The following MCPH1 variants were observed in gnomAD, a reference collection of about 807,000 sequenced individuals.
MCPH1 encodes the protein microcephalin.
A neutral mutation model predicts 84.5 loss-of-function variants in MCPH1; 104 were observed. The observed-to-expected ratio is 1.23, with a 90% confidence interval of 1.05 to 1.45. MCPH1 has a LOEUF of 1.45. Ranked by LOEUF, MCPH1 falls within the 40% of genes most tolerant of loss-of-function variation. The pLI, the probability that MCPH1 is intolerant of heterozygous loss-of-function variation, is 0.00. For synonymous variants in MCPH1, 514 were observed against 366.8 expected, an observed-to-expected ratio of 1.40 and a Z score of -4.58; for missense variants, 1,498 against 1,005.7, an observed-to-expected ratio of 1.49 and a Z score of -6.62.
chr8:6,509,798 C>G (rs905630380), intron 12 of MCPH1, among the ~76,000 whole-genome samples: 1 of 152,174 alleles, frequency 6.6e-6, no homozygotes, highest in Non-Finnish European at 1.5e-5. Context: ...CTTAAATGTG[C>G]TCGGAACACT....
intron 12 of MCPH1, among the ~76,000 whole-genome samples, chr8:6,605,493 A>T (rs1418676055): frequency 3.3e-5 from 5 of 152,192 alleles, no homozygotes; most frequent in African/African-American, 1.2e-4. Flanking sequence ...AACGAACAAT[A>T]TGTCCTTAAA....
chr8:6,515,222 C>G (rs948274929), intron 12 of MCPH1, among the ~76,000 whole-genome samples: 1 of 151,996 alleles, frequency 6.6e-6, no homozygotes, highest in Non-Finnish European at 1.5e-5. Flanking sequence ...CCCTGCCCCT[C>G]CACAGAGAGC....
intron 8 of MCPH1, among the ~76,000 whole-genome samples, chr8:6,453,354 T>A (rs906542226): frequency 6.6e-6 from 1 of 152,074 alleles, no homozygotes; most frequent in African/African-American, 2.4e-5. Flanking sequence ...TTTTTTGACT[T>A]CAGGATTTGT....
intron 12 of MCPH1, among the ~76,000 whole-genome samples, chr8:6,523,582 T>C (rs922664479): frequency 6.6e-6 from 1 of 151,828 alleles, no homozygotes; most frequent in Non-Finnish European, 1.5e-5. Context: ...TTTGGCAGGG[T>C]TTTTTGTTTT....
At chr8:6,485,079 C>A (rs542900131) in intron 11 of MCPH1, among the ~76,000 whole-genome samples, 1 of 152,252 alleles carries the variant, frequency 6.6e-6, no homozygotes, top group African/African-American at 2.4e-5. Context: ...GTAATCCCAG[C>A]ACTTTTGGAG....
chr8:6,414,961 A>G, intron 3 of MCPH1, 78 bp downstream of exon 3: 1 of 1,406,660 alleles, frequency 7.1e-7, no homozygotes, highest in Non-Finnish European at 9.9e-7. Context: ...CACAGATCGC[A>G]GAACCAGATA....
At chr8:6,498,050 A>G (rs540099527) in intron 11 of MCPH1, among the ~76,000 whole-genome samples, 1 of 152,240 alleles carries the variant, frequency 6.6e-6, no homozygotes, top group Non-Finnish European at 1.5e-5. Flanking sequence ...TCAGAAAGGA[A>G]GAAATAAAGC....
chr8:6,547,972 G>C (rs977420338), intron 12 of MCPH1, among the ~76,000 whole-genome samples: 2 of 150,950 alleles, frequency 1.3e-5, no homozygotes, highest in African/African-American at 4.9e-5. Flanking sequence ...AATTTTATCA[G>C]TGGCAGTGAA....
chr8:6,447,355 A>C, intron 8 of MCPH1: 3 of 985,304 alleles, frequency 3.0e-6, no homozygotes, highest in African/African-American at 1.7e-5. Flanking sequence ...TCTGTACAGC[A>C]AACTGTACCT....
chr8:6,624,901 G>A (rs1831902303), intron 13 of MCPH1: 3 of 950,204 alleles, frequency 3.2e-6, no homozygotes, highest in Non-Finnish European at 3.7e-6. Context: ...CTGAGATGGA[G>A]TCTCGCTGTG....
intron 12 of MCPH1, among the ~76,000 whole-genome samples, chr8:6,529,864 T>C (rs188890895): frequency 7.0e-6 from 1 of 143,514 alleles, no homozygotes; most frequent in Non-Finnish European, 1.5e-5. Flanking sequence ...TAACATGATA[T>C]CTAGTTTCAC....
chr8:6,616,003 C>G (rs1045458935), intron 12 of MCPH1: 17 of 152,208 alleles, frequency 1.1e-4, no homozygotes, highest in African/African-American at 4.1e-4. Flanking sequence ...ATAACTCTGA[C>G]TATACTAAGA....
At chr8:6,424,890 C>G (rs1800831139) in intron 3 of MCPH1, among the ~76,000 whole-genome samples, 1 of 152,254 alleles carries the variant, frequency 6.6e-6, no homozygotes, top group African/African-American at 2.4e-5. Context: ...CGGCTGGAAT[C>G]TTCAAGGAGA....
At chr8:6,602,525 G>C (rs1829453596) in intron 12 of MCPH1, among the ~76,000 whole-genome samples, 1 of 152,112 alleles carries the variant, frequency 6.6e-6, no homozygotes, top group Non-Finnish European at 1.5e-5. Flanking sequence ...GTGTGGGGCT[G>C]AGTGGCGGCG....
chr8:6,487,698 C>G (rs548464548), intron 11 of MCPH1, among the ~76,000 whole-genome samples: 195 of 152,316 alleles, frequency 1.3e-3, no homozygotes, highest in African/African-American at 4.6e-3. Flanking sequence ...CACTTGCAAG[C>G]TGACTAGGAT....
chr8:6,628,353 C>A (rs958983779), intron 13 of MCPH1, among the ~76,000 whole-genome samples: 1 of 151,248 alleles, frequency 6.6e-6, no homozygotes, highest in African/African-American at 2.4e-5. Context: ...TGCCTGTAGT[C>A]CCAGCTACTC....
At chr8:6,547,172 C>T (rs996288094) in intron 12 of MCPH1, among the ~76,000 whole-genome samples, 1 of 151,978 alleles carries the variant, frequency 6.6e-6, no homozygotes, top group Non-Finnish European at 1.5e-5. Flanking sequence ...ACCATCCTCA[C>T]TTGCTCTAAG....
intron 3 of MCPH1, among the ~76,000 whole-genome samples, chr8:6,420,799 C>T (rs2129552566): frequency 6.6e-6 from 1 of 152,294 alleles, no homozygotes; most frequent in South Asian, 2.1e-4. Context: ...ATCCAAGTTA[C>T]CGGCAGCAAA....
At chr8:6,578,261 G>C (rs1349665989) in intron 12 of MCPH1, among the ~76,000 whole-genome samples, 1 of 152,198 alleles carries the variant, frequency 6.6e-6, no homozygotes, top group Non-Finnish European at 1.5e-5. Context: ...AAAGCACTCA[G>C]CCAGAGCCTG....
Sources: gnomAD v4.1 joint callset for allele counts (sites outside exome capture counted in the v4.1 genomes callset) on GRCh38, gnomAD v4.1.1 for gene constraint, MANE v1.5 for transcripts, NCBI Gene and HGNC (gene_info 2026-07-23, HGNC 2026-07-21) for gene names.